The following GNG2 variants were observed in gnomAD, a reference collection of about 807,000 sequenced individuals.
GNG2 encodes guanine nucleotide-binding protein G(I)/G(S)/G(O) subunit gamma-2.
Under a neutral mutation model 5.5 loss-of-function variants are expected in GNG2, and 5 were observed. The ratio of observed to expected loss-of-function variants is 0.91; its 90% CI spans 0.48 to 1.92. GNG2 has a LOEUF of 1.92. Ranked by LOEUF, GNG2 falls within the 30% of genes most tolerant of loss-of-function variation. The probability of loss-of-function intolerance (pLI) is 0.01; values close to 1 mark genes in which losing one functional copy is unlikely to be tolerated. For synonymous variants in GNG2, 28 were observed against 32.0 expected, an observed-to-expected ratio of 0.88 and a Z score of 0.42; for missense variants, 55 against 88.4, an observed-to-expected ratio of 0.62 and a Z score of 1.52.
In GNG2 at chr14:51,914,258, G is replaced by A. The variant is rs759747046; in HGVS notation, c.-29-36392G>A. On this transcript the variant is annotated intron_variant, in intron 2 of 3. Transcript: ENST00000556766. Reference sequence around the variant, plus strand: ...ATGGAGTTATTAGGCAACATAAAACGGACAAGCCAGACCAAGGTAGAATGG... The same window carrying A: ...ATGGAGTTATTAGGCAACATAAAACAGACAAGCCAGACCAAGGTAGAATGG... 2.6e-4 allele frequency: 180 copies of A among 702,070 alleles called. 1 individual carries two copies. Among genetic ancestry groups the A allele is most frequent in the Non-Finnish European group, 4.0e-4 (155 of 384,754 alleles). 43.5% of individuals were successfully genotyped at this position (702,070 alleles called of 1,614,324 possible).
upstream of GNG2, among the ~76,000 whole-genome samples, chr14:51,856,051 G>A (rs993047894): frequency 5.9e-5 from 9 of 152,192 alleles, no homozygotes; most frequent in South Asian, 2.1e-4. Flanking sequence ...GTTGGCACAC[G>A]CCTGTAATCC....
intron 2 of GNG2, among the ~76,000 whole-genome samples, chr14:51,885,385 G>C (rs1884378334): frequency 6.6e-6 from 1 of 152,174 alleles, no homozygotes; most frequent in Admixed American, 6.5e-5. Flanking sequence ...TGGAAAATAA[G>C]TGAGTGCTTT....
intron 1 of GNG2, among the ~76,000 whole-genome samples, chr14:51,864,858 TACAACAAGTTTCTGAG>T (rs1203491713): frequency 2.6e-5 from 4 of 152,180 alleles, no homozygotes; most frequent in African/African-American, 9.7e-5. Flanking sequence ...AGTTAAACAA[TACAACAAGTTTCTGAG>T]ACAACAAGTT....
At chr14:51,955,035 T>G (rs947635988) in intron 3 of GNG2, among the ~76,000 whole-genome samples, 11 of 152,198 alleles carry the variant, frequency 7.2e-5, no homozygotes, top group Non-Finnish European at 1.6e-4. Flanking sequence ...AAGATGCTCT[T>G]TGGCAGGAGA....
chr14:51,942,709 C>A (rs1215866633), intron 2 of GNG2, among the ~76,000 whole-genome samples: 1 of 150,550 alleles, frequency 6.6e-6, no homozygotes, highest in African/African-American at 2.5e-5. Flanking sequence ...CAGGCATGTG[C>A]CACCAGACCC....
At position 51,969,003 on chromosome 14, in the gene GNG2, C is replaced by G. The variant is rs1354766444; in HGVS notation, c.*2316C>G. 1 of 152,162 alleles carries G rather than the reference C, an allele frequency of 6.6e-6. No homozygotes were observed. Among genetic ancestry groups the G allele is most frequent in the Non-Finnish European group, 1.5e-5 (1 of 68,000 alleles). 9.4% of individuals were successfully genotyped at this position (152,162 alleles called of 1,614,324 possible). Reference sequence around the variant, plus strand: ...TGTCTTACAGTATGGAATTATAATACGAAAATCTTTATATGAGTTTTGGCT... The same window carrying G: ...TGTCTTACAGTATGGAATTATAATAGGAAAATCTTTATATGAGTTTTGGCT... On this transcript the variant is annotated 3_prime_UTR_variant, in exon 4 of 4. Coordinates refer to ENST00000556766, the MANE Select transcript of GNG2 (RefSeq NM_053064.5).
chr14:51,937,126 T>C (rs1888053767), intron 2 of GNG2, among the ~76,000 whole-genome samples: 1 of 152,184 alleles, frequency 6.6e-6, no homozygotes, highest in African/African-American at 2.4e-5. Flanking sequence ...CTCTACTCCT[T>C]ATTGTCAAAG....
chr14:51,863,219 G>C (rs1481914337), intron 1 of GNG2, among the ~76,000 whole-genome samples: 1 of 152,194 alleles, frequency 6.6e-6, no homozygotes, highest in African/African-American at 2.4e-5. Flanking sequence ...ACTGTGGAGT[G>C]AAAAGAACGC....
intron 2 of GNG2, among the ~76,000 whole-genome samples, chr14:51,926,601 C>A (rs978791887): frequency 2.0e-5 from 3 of 152,162 alleles, no homozygotes; most frequent in Non-Finnish European, 4.4e-5. Context: ...TACCGGCCTG[C>A]GCACTGGGCA....
chr14:51,936,692 G>C (rs948953942), intron 2 of GNG2, among the ~76,000 whole-genome samples: 1 of 151,936 alleles, frequency 6.6e-6, no homozygotes, highest in Admixed American at 6.6e-5. Context: ...TGGGACTATA[G>C]GGTGCATGCC....
At chr14:51,917,936 G>T (rs1346388737) in intron 2 of GNG2, among the ~76,000 whole-genome samples, 1 of 150,188 alleles carries the variant, frequency 6.7e-6, no homozygotes, top group Non-Finnish European at 1.5e-5. Flanking sequence ...TGAGGCAGGA[G>T]AATTGCTTGA....
At chr14:51,866,231 G>C (rs1342263740) in intron 1 of GNG2, among the ~76,000 whole-genome samples, 3 of 152,204 alleles carry the variant, frequency 2.0e-5, no homozygotes, top group Non-Finnish European at 4.4e-5. Context: ...CAGAGGTAGA[G>C]GAGAGGGGCT....
chr14:51,854,376 C>T (rs1882051154), intron 2 of GNG2, among the ~76,000 whole-genome samples: 1 of 152,202 alleles, frequency 6.6e-6, no homozygotes, highest in Admixed American at 6.5e-5. Context: ...ACCAGAACTT[C>T]AGAAACATAC....
At chr14:51,850,267 A>C (rs2140086206) in intron 2 of GNG2, among the ~76,000 whole-genome samples, 1 of 152,136 alleles carries the variant, frequency 6.6e-6, no homozygotes, top group African/African-American at 2.4e-5. Flanking sequence ...TCTTAAAGTA[A>C]GTTGCCTCTT....
intron 1 of GNG2, among the ~76,000 whole-genome samples, chr14:51,863,616 C>T (rs558693237): frequency 2.6e-5 from 4 of 152,138 alleles, no homozygotes; most frequent in Admixed American, 6.5e-5. Flanking sequence ...GTCATCACCA[C>T]CGTCCATCCA....
upstream of GNG2, among the ~76,000 whole-genome samples, chr14:51,855,784 C>T (rs973974416): frequency 6.6e-6 from 1 of 152,096 alleles, no homozygotes; most frequent in Non-Finnish European, 1.5e-5. Flanking sequence ...TGGCTCCTTT[C>T]TGATAGGAAA....
At chr14:51,883,081 C>T (rs957451892) in intron 2 of GNG2, among the ~76,000 whole-genome samples, 3 of 150,204 alleles carry the variant, frequency 2.0e-5, no homozygotes, top group African/African-American at 7.3e-5. Context: ...GAAATGAGAG[C>T]AAGGTAACAA....
upstream of GNG2, among the ~76,000 whole-genome samples, chr14:51,856,339 G>T (rs958822755): frequency 6.6e-5 from 10 of 152,148 alleles, no homozygotes; most frequent in African/African-American, 2.2e-4. Flanking sequence ...TGCAGAAGGG[G>T]ATGTGAGAAG....
chr14:51,911,855 C>A (rs79552511), intron 2 of GNG2, among the ~76,000 whole-genome samples: 17,006 of 141,686 alleles, frequency 0.12, 2,910 homozygotes, highest in African/African-American at 0.32. Flanking sequence ...ATCCTGATAG[C>A]CTTTTCTTAT....
Sources: gnomAD v4.1 joint callset for allele counts (sites outside exome capture counted in the v4.1 genomes callset) on GRCh38, gnomAD v4.1.1 for gene constraint, MANE v1.5 for transcripts, NCBI Gene and HGNC (gene_info 2026-07-23, HGNC 2026-07-21) for gene names.